NRG1: variants seen among roughly 807,000 people sequenced by gnomAD.
NRG1 encodes pro-neuregulin-1, membrane-bound isoform.
NRG1 carries 18 observed loss-of-function variants against 63.8 expected under a neutral mutation model. The observed-to-expected ratio is 0.28, with a 90% CI of 0.19 to 0.42. NRG1 has a LOEUF of 0.42. NRG1 is among the 10% of genes least tolerant of loss of function. The pLI, the probability that NRG1 is intolerant of heterozygous loss-of-function variation, is 1.00. For missense variants in NRG1, 762 were observed against 814.7 expected (o/e 0.94, Z 0.79); for synonymous variants, 302 against 301.3 (o/e 1.00, Z -0.02).
intron 1 of NRG1, among the ~76,000 whole-genome samples, chr8:31,993,059 A>C (rs1014905255): frequency 6.6e-6 from 1 of 152,012 alleles, no homozygotes; most frequent in African/African-American, 2.4e-5. Flanking sequence ...ATCCTCCCTA[A>C]TGGAGTTTTC....
At chr8:32,413,403 G>T (rs1013854021) in intron 1 of NRG1, among the ~76,000 whole-genome samples, 1 of 152,086 alleles carries the variant, frequency 6.6e-6, no homozygotes, top group Non-Finnish European at 1.5e-5. Flanking sequence ...CTGTATGCTC[G>T]ATGAGACCCT....
intron 1 of NRG1, among the ~76,000 whole-genome samples, chr8:31,944,069 G>A (rs1314229561): frequency 6.6e-6 from 1 of 152,080 alleles, no homozygotes; most frequent in Non-Finnish European, 1.5e-5. Context: ...TTCCTTATTT[G>A]TCATGTATGA....
At position 31,738,922 on chromosome 8, in the gene NRG1, C is replaced by A. The variant is rs116625398; in HGVS notation, c.37+99491C>A. Among the ~76,000 whole-genome samples the A allele has an allele frequency of 1.7e-3, 265 of 152,198 alleles. 1 individual carries two copies. Among genetic ancestry groups the A allele is most frequent in the African/African-American group, 6.2e-3 (257 of 41,542 alleles). On this transcript the variant is annotated intron_variant, in intron 1 of 10. Coordinates refer to the NRG1 transcript ENST00000519301. ...ATGAATTCATCTTAACTAATTACAT[C>A]TGCCACAAATTTATTTCCAAATAAG...
chr8:31,755,292 C>G (rs186796861), intron 1 of NRG1, among the ~76,000 whole-genome samples: 1 of 152,116 alleles, frequency 6.6e-6, no homozygotes, highest in African/African-American at 2.4e-5. Context: ...GTCTTGATAC[C>G]CCAACATATA....
chr8:32,609,737 T>C (rs1383905726), intron 3 of NRG1, among the ~76,000 whole-genome samples: 2 of 148,874 alleles, frequency 1.3e-5, no homozygotes, highest in Non-Finnish European at 3.0e-5. Flanking sequence ...TCTCGGCCAC[T>C]GCACTGGATT....
At chr8:31,715,068 C>T (rs1812216651) in intron 1 of NRG1, among the ~76,000 whole-genome samples, 1 of 151,838 alleles carries the variant, frequency 6.6e-6, no homozygotes, top group Admixed American at 6.6e-5. Context: ...AGAAATGAAA[C>T]CCAGAGTTAT....
intron 1 of NRG1, among the ~76,000 whole-genome samples, chr8:31,725,061 G>T (rs1468323498): frequency 6.6e-6 from 1 of 152,102 alleles, no homozygotes; most frequent in African/African-American, 2.4e-5. Context: ...CACCTATTGT[G>T]AAATGTTATT....
intron 1 of NRG1, among the ~76,000 whole-genome samples, chr8:32,396,390 T>C (rs2129484299): frequency 6.6e-6 from 1 of 152,342 alleles, no homozygotes; most frequent in Admixed American, 6.5e-5. Flanking sequence ...TTTCAACAAT[T>C]GTTTTTCACA....
intron 1 of NRG1, among the ~76,000 whole-genome samples, chr8:32,096,066 C>T (rs182993915): frequency 3.9e-4 from 60 of 152,230 alleles, no homozygotes; most frequent in Non-Finnish European, 1.2e-4. Flanking sequence ...CACAAATGCT[C>T]AGGTGTGAAT....
At chr8:32,356,474 A>ACCCCCCCCCCCCCCCCC (rs11426642) in intron 1 of NRG1, among the ~76,000 whole-genome samples, 2 of 69,324 alleles carry the variant, frequency 2.9e-5, no homozygotes, top group African/African-American at 5.9e-5. Context: ...CCTTGTTGGG[A>ACCCCCCCCCCCCCCCCC]CCCCCCCCCC....
intron 3 of NRG1, among the ~76,000 whole-genome samples, chr8:32,613,492 G>C (rs1176554433): frequency 1.7e-4 from 26 of 151,822 alleles, no homozygotes; most frequent in Non-Finnish European, 7.4e-5. Flanking sequence ...ATTTAAAGAT[G>C]ATTATATTAG....
intron 1 of NRG1, among the ~76,000 whole-genome samples, chr8:31,806,759 A>G (rs1451872096): frequency 6.6e-6 from 1 of 152,202 alleles, no homozygotes; most frequent in Non-Finnish European, 1.5e-5. Flanking sequence ...TTTGGTTTCA[A>G]TAATCAAGTA....
At chr8:32,214,102 C>T (rs1304522469) in intron 1 of NRG1, among the ~76,000 whole-genome samples, 2 of 152,126 alleles carry the variant, frequency 1.3e-5, no homozygotes, top group Non-Finnish European at 2.9e-5. Context: ...TGATGATTAA[C>T]TTTTATCCTT....
intron 1 of NRG1, among the ~76,000 whole-genome samples, chr8:32,172,636 T>C (rs1484349454): frequency 6.6e-6 from 1 of 151,912 alleles, no homozygotes; most frequent in Non-Finnish European, 1.5e-5. Flanking sequence ...AATGCAGAGA[T>C]GTCCTTAAAG....
At chr8:31,774,610 A>G (rs1818941085) in intron 1 of NRG1, among the ~76,000 whole-genome samples, 1 of 152,166 alleles carries the variant, frequency 6.6e-6, no homozygotes, top group Non-Finnish European at 1.5e-5. Flanking sequence ...TTAGATACAT[A>G]GTTTGCAAAT....
chr8:31,734,557 TTTTG>T (rs1371750822), intron 1 of NRG1, among the ~76,000 whole-genome samples: 2 of 152,228 alleles, frequency 1.3e-5, no homozygotes, highest in Admixed American at 6.5e-5. Flanking sequence ...GGAAGCTTTT[TTTTG>T]TTTGTTTGTT....
At chr8:32,621,519 C>T (rs1403493021) in intron 5 of NRG1, among the ~76,000 whole-genome samples, 1 of 152,114 alleles carries the variant, frequency 6.6e-6, no homozygotes, top group African/African-American at 2.4e-5. Flanking sequence ...TGTTGAATAC[C>T]ATAAAAAATT....
chr8:31,703,631 G>C (rs1810847957), intron 1 of NRG1, among the ~76,000 whole-genome samples: 1 of 152,132 alleles, frequency 6.6e-6, no homozygotes, highest in South Asian at 2.1e-4. Flanking sequence ...CTTATAGAGA[G>C]ACATTAAAGC....
At chr8:32,394,351 A>G (rs1366490649) in intron 1 of NRG1, among the ~76,000 whole-genome samples, 1 of 152,020 alleles carries the variant, frequency 6.6e-6, no homozygotes, top group African/African-American at 2.4e-5. Flanking sequence ...CAGCTCCTCA[A>G]CCTCCCTTCC....
Sources: allele counts gnomAD v4.1 joint callset (sites outside exome capture counted in the v4.1 genomes callset), GRCh38; gene constraint gnomAD v4.1.1; transcripts MANE v1.5; gene names NCBI Gene and HGNC (gene_info 2026-07-23, HGNC 2026-07-21).